The following NTF3 variants were observed in gnomAD, a reference collection of about 807,000 sequenced individuals.
NTF3 encodes the protein neurotrophin 3, also known as neurotrophin-3.
NTF3 carries 8 observed loss-of-function variants against 26.3 expected under a neutral mutation model. The observed-to-expected ratio is 0.30, with a 90% confidence interval of 0.18 to 0.55. The LOEUF is 0.55. Among genes scored for constraint, NTF3 ranks in the 20% least tolerant of loss-of-function variants. NTF3 has a pLI of 0.93. For missense variants in NTF3, 276 were observed against 352.9 expected, an observed-to-expected ratio of 0.78 and a Z score of 1.75; for synonymous variants, 154 against 145.5, an observed-to-expected ratio of 1.06 and a Z score of -0.42.
At chr12:5,436,437 G>A (rs771994748) in intron 1 of NTF3, among the ~76,000 whole-genome samples, 1 of 152,172 alleles carries the variant, frequency 6.6e-6, no homozygotes. Flanking sequence ...CTTAGTTCTA[G>A]TCCAGTTCTA....
At chr12:5,480,528 G>A (rs921276497) in intron 1 of NTF3, among the ~76,000 whole-genome samples, 2 of 152,180 alleles carry the variant, frequency 1.3e-5, no homozygotes, top group African/African-American at 4.8e-5. Context: ...AAAGGCAGGC[G>A]CACTCTGGGG....
chr12:5,488,912 A>G (rs542672173), intron 1 of NTF3, among the ~76,000 whole-genome samples: 1 of 152,332 alleles, frequency 6.6e-6, no homozygotes, highest in South Asian at 2.1e-4. Context: ...AATCTCTTGA[A>G]TTTGCATATT....
chr12:5,452,911 C>T (rs1326598408), intron 1 of NTF3, among the ~76,000 whole-genome samples: 1 of 152,180 alleles, frequency 6.6e-6, no homozygotes, highest in Non-Finnish European at 1.5e-5. Context: ...CAGCTAAGTG[C>T]ACATCTCATG....
chr12:5,468,146 G>A (rs1296013799), intron 1 of NTF3, among the ~76,000 whole-genome samples: 1 of 152,102 alleles, frequency 6.6e-6, no homozygotes. Context: ...CCTTGATTTG[G>A]TTGTGTGATT....
intron 1 of NTF3, among the ~76,000 whole-genome samples, chr12:5,480,633 G>A (rs1325975888): frequency 1.3e-5 from 2 of 152,284 alleles, no homozygotes; most frequent in East Asian, 3.9e-4. Flanking sequence ...CCTGCTTCTT[G>A]AACAGAGGGC....
intron 1 of NTF3, among the ~76,000 whole-genome samples, chr12:5,442,414 G>A (rs1940248919): frequency 6.6e-6 from 1 of 152,172 alleles, no homozygotes; most frequent in African/African-American, 2.4e-5. Context: ...TGTTGTACAG[G>A]TGTTGGGGCT....
intron 1 of NTF3, among the ~76,000 whole-genome samples, chr12:5,482,060 TAC>T: frequency 6.6e-6 from 1 of 151,358 alleles, no homozygotes; most frequent in East Asian, 2.0e-4. Flanking sequence ...ATACACACAC[TAC>T]ACACAGACAC....
chr12:5,442,732 G>A (rs1179391991), intron 1 of NTF3, among the ~76,000 whole-genome samples: 2 of 152,164 alleles, frequency 1.3e-5, no homozygotes, highest in Admixed American at 6.5e-5. Flanking sequence ...AATTTAGAAG[G>A]GAGCCTTCAA....
chr12:5,464,958 T>C (rs1168185999), intron 1 of NTF3, among the ~76,000 whole-genome samples: 2 of 152,192 alleles, frequency 1.3e-5, no homozygotes, highest in African/African-American at 4.8e-5. Flanking sequence ...AATGACATCA[T>C]GGTCGTCTTC....
chr12:5,493,951 A>G (rs915206253), intron 1 of NTF3, among the ~76,000 whole-genome samples: 3 of 152,064 alleles, frequency 2.0e-5, no homozygotes, highest in South Asian at 2.1e-4. Flanking sequence ...CAGACATCCA[A>G]TGTAAATACA....
intron 1 of NTF3, among the ~76,000 whole-genome samples, chr12:5,448,296 G>A (rs371871674): frequency 3.3e-5 from 5 of 152,112 alleles, no homozygotes; most frequent in African/African-American, 1.2e-4. Flanking sequence ...CTTTCTGATT[G>A]CTGTTTTCAC....
At chr12:5,458,730 A>C (rs937879385) in intron 1 of NTF3, among the ~76,000 whole-genome samples, 2 of 152,230 alleles carry the variant, frequency 1.3e-5, no homozygotes, top group African/African-American at 2.4e-5. Context: ...AAGTTGAATG[A>C]GGTTTAATCC....
At chr12:5,477,646 A>C (rs910188586) in intron 1 of NTF3, among the ~76,000 whole-genome samples, 2 of 152,228 alleles carry the variant, frequency 1.3e-5, no homozygotes, top group African/African-American at 4.8e-5. Context: ...AAGTACTGAC[A>C]AAGTGAGTTA....
chr12:5,464,746 G>T lies in NTF3; in HGVS notation c.19-29448G>T, dbSNP rs150147084. 1.8e-3 allele frequency among the ~76,000 whole-genome samples: 278 copies of T among 152,256 alleles called. 3 individuals are homozygous for T. The highest frequency in any genetic ancestry group is 6.6e-3 in the African/African-American group (273 of 41,544). ...TGTTCTCTCTTACTTGCACTTACAT[G>T]AATTCATATGAATTCAGTATTACAT... On this transcript the variant is annotated intron_variant, in intron 1 of 1. Transcript: ENST00000423158.
At chr12:5,476,542 G>A (rs574589400) in intron 1 of NTF3, among the ~76,000 whole-genome samples, 1 of 152,356 alleles carries the variant, frequency 6.6e-6, no homozygotes. Context: ...GAGAATAGAT[G>A]TATAAACTGA....
At chr12:5,464,547 G>C (rs561605357) in intron 1 of NTF3, among the ~76,000 whole-genome samples, 1 of 152,276 alleles carries the variant, frequency 6.6e-6, no homozygotes, top group East Asian at 1.9e-4. Flanking sequence ...GTCATAGGTT[G>C]AGGAGCATCT....
intron 1 of NTF3, among the ~76,000 whole-genome samples, chr12:5,458,883 G>C (rs571320586): frequency 6.6e-6 from 1 of 151,862 alleles, no homozygotes; most frequent in Admixed American, 6.6e-5. Context: ...ACACACACAC[G>C]TGCACACGCA....
At chr12:5,436,885 G>T (rs567281218) in intron 1 of NTF3, among the ~76,000 whole-genome samples, 1 of 152,230 alleles carries the variant, frequency 6.6e-6, no homozygotes, top group Non-Finnish European at 1.5e-5. Context: ...TGTTATTAAT[G>T]ATCAGAGACA....
chr12:5,458,905 A>G (rs1940488350), intron 1 of NTF3, among the ~76,000 whole-genome samples: 1 of 152,164 alleles, frequency 6.6e-6, no homozygotes, highest in Admixed American at 6.5e-5. Context: ...ACTGACAGAC[A>G]ACCTTGCTCA....
Sources: gnomAD v4.1 joint callset for allele counts (sites outside exome capture counted in the v4.1 genomes callset) on GRCh38, gnomAD v4.1.1 for gene constraint, MANE v1.5 for transcripts, NCBI Gene and HGNC (gene_info 2026-07-23, HGNC 2026-07-21) for gene names.